Variants in GRID1 observed in about 807,000 individuals in gnomAD.
GRID1 encodes glutamate ionotropic receptor delta type subunit 1, also known as glutamate receptor ionotropic, delta-1.
Under a neutral mutation model 98.0 loss-of-function variants are expected in GRID1, and 28 were observed. That is an observed-to-expected ratio of 0.29 (90% CI 0.21 to 0.39). GRID1 has a LOEUF of 0.39. Among genes scored for constraint, GRID1 ranks in the 10% least tolerant of loss-of-function variants. The probability of loss-of-function intolerance (pLI) is 1.00; values close to 1 mark genes in which losing one functional copy is unlikely to be tolerated. For missense variants in GRID1, 1,111 were observed against 1,340.5 expected (o/e 0.83, Z 2.67); for synonymous variants, 553 against 538.5 (o/e 1.03, Z -0.37).
intron 4 of GRID1, among the ~76,000 whole-genome samples, chr10:86,082,844 C>T (rs934091933): frequency 6.6e-6 from 1 of 152,222 alleles, no homozygotes; most frequent in Non-Finnish European, 1.5e-5. Context: ...TGCTTCCATT[C>T]TCTGAAATGT....
chr10:86,018,907 C>T (rs1055512867), intron 4 of GRID1, among the ~76,000 whole-genome samples: 5 of 152,182 alleles, frequency 3.3e-5, no homozygotes, highest in African/African-American at 1.2e-4. Context: ...TGGGTAACTT[C>T]AAGAGAGGAT....
chr10:86,246,759 T>C (rs935870860), intron 2 of GRID1, among the ~76,000 whole-genome samples: 17 of 152,206 alleles, frequency 1.1e-4, no homozygotes, highest in African/African-American at 4.1e-4. Context: ...ATTCTAGGCC[T>C]GGTGTTCTCA....
intron 2 of GRID1, among the ~76,000 whole-genome samples, chr10:86,358,608 A>G (rs936576586): frequency 1.3e-5 from 2 of 151,716 alleles, no homozygotes; most frequent in Non-Finnish European, 2.9e-5. Context: ...AATACAAAAA[A>G]TTAGCCGGGC....
chr10:86,137,000 A>G (rs1348529731), intron 4 of GRID1, among the ~76,000 whole-genome samples: 1 of 152,186 alleles, frequency 6.6e-6, no homozygotes, highest in African/African-American at 2.4e-5. Flanking sequence ...ACAAAAAAAA[A>G]AGTGGCCACC....
Position 86,356,488 on chromosome 10 carries a change from C to T in GRID1, c.235+7453G>A, listed in dbSNP as rs533130158. ...TGGCCACATGGCTGGTTGTGGCCAA[C>T]GAGTCATAAGCAGAAGTGATGTGAG... is the stretch of plus-strand genomic sequence containing the variant. On this transcript the variant is annotated intron_variant, in intron 2 of 15. Transcript: ENST00000327946. 9.2e-5 allele frequency among the ~76,000 whole-genome samples: 14 copies of T among 152,250 alleles called. No homozygotes were observed. In the East Asian group the frequency reaches 1.9e-3, roughly 21 times the overall value.
At chr10:86,157,323 C>A (rs1360053121) in intron 3 of GRID1, among the ~76,000 whole-genome samples, 1 of 152,114 alleles carries the variant, frequency 6.6e-6, no homozygotes, top group Non-Finnish European at 1.5e-5. Context: ...GGAAGAGATA[C>A]AGAGCAAGAC....
intron 12 of GRID1, among the ~76,000 whole-genome samples, chr10:85,711,180 T>G (rs1331379671): frequency 1.3e-5 from 2 of 152,010 alleles, no homozygotes; most frequent in Non-Finnish European, 2.9e-5. Context: ...TACACCCATG[T>G]TTATAACGGC....
chr10:85,808,886 C>A (rs1917146), intron 8 of GRID1, among the ~76,000 whole-genome samples: 20,726 of 151,888 alleles, frequency 0.14, 1,862 homozygotes, highest in Non-Finnish European at 0.2. Context: ...ATAAAATAGT[C>A]AATAGAATTA....
intron 8 of GRID1, among the ~76,000 whole-genome samples, chr10:85,824,720 G>T (rs1842803740): frequency 6.6e-6 from 1 of 151,974 alleles, no homozygotes; most frequent in African/African-American, 2.4e-5. Context: ...AGTCTTCTGA[G>T]TCTCCAATAT....
At chr10:86,104,254 G>A (rs1276442537) in intron 4 of GRID1, among the ~76,000 whole-genome samples, 1 of 152,204 alleles carries the variant, frequency 6.6e-6, no homozygotes, top group African/African-American at 2.4e-5. Flanking sequence ...TCAGAGCTCA[G>A]GGTGCAGTTG....
At chr10:86,301,979 G>C (rs1405859374) in intron 2 of GRID1, among the ~76,000 whole-genome samples, 1 of 152,230 alleles carries the variant, frequency 6.6e-6, no homozygotes, top group African/African-American at 2.4e-5. Flanking sequence ...ACACAGCCAT[G>C]ATTTGCTGCC....
intron 4 of GRID1, among the ~76,000 whole-genome samples, chr10:86,034,714 C>T (rs531192776): frequency 6.6e-6 from 1 of 151,956 alleles, no homozygotes; most frequent in Non-Finnish European, 1.5e-5. Context: ...TGATCTGTTT[C>T]CTCTTTGGCC....
chr10:86,039,130 T>C (rs1843311349), intron 4 of GRID1, among the ~76,000 whole-genome samples: 1 of 152,062 alleles, frequency 6.6e-6, no homozygotes, highest in Admixed American at 6.6e-5. Flanking sequence ...TCTCCCCACT[T>C]CCCTTCCTTC....
intron 4 of GRID1, among the ~76,000 whole-genome samples, chr10:86,069,178 C>G (rs1373317898): frequency 6.6e-6 from 1 of 152,130 alleles, no homozygotes; most frequent in Non-Finnish European, 1.5e-5. Flanking sequence ...GGAGGGGGCT[C>G]TGCTCACCTG....
chr10:86,275,622 A>T (rs1847257071), intron 2 of GRID1, among the ~76,000 whole-genome samples: 1 of 152,178 alleles, frequency 6.6e-6, no homozygotes, highest in South Asian at 2.1e-4. Flanking sequence ...GGGGCTAAAA[A>T]GTACAATAAC....
At chr10:85,760,253 G>A (rs1232010711) in intron 8 of GRID1, among the ~76,000 whole-genome samples, 1 of 152,134 alleles carries the variant, frequency 6.6e-6, no homozygotes, top group Non-Finnish European at 1.5e-5. Flanking sequence ...TATATAAATG[G>A]CAATTTTATA....
intron 8 of GRID1, among the ~76,000 whole-genome samples, chr10:85,794,698 G>A (rs143887553): frequency 3.9e-5 from 6 of 152,324 alleles, no homozygotes; most frequent in East Asian, 1.9e-4. Flanking sequence ...CAGTGCCTGC[G>A]GTGCAGCCAG....
At chr10:86,031,245 C>T (rs577487884) in intron 4 of GRID1, among the ~76,000 whole-genome samples, 1 of 152,268 alleles carries the variant, frequency 6.6e-6, no homozygotes, top group African/African-American at 2.4e-5. Context: ...AGCACAAAAT[C>T]ATATCCTTTG....
chr10:86,236,368 T>C (rs1870165), intron 2 of GRID1, among the ~76,000 whole-genome samples: 136,077 of 152,280 alleles, frequency 0.89, 61,365 homozygotes, highest in African/African-American at 0.92. Flanking sequence ...CAAGTTGAAG[T>C]ATGCCATAAC....
Sources: allele counts gnomAD v4.1 joint callset (sites outside exome capture counted in the v4.1 genomes callset), GRCh38; gene constraint gnomAD v4.1.1; transcripts MANE v1.5; gene names NCBI Gene and HGNC (gene_info 2026-07-23, HGNC 2026-07-21).